MAGI2: variants seen among roughly 807,000 people sequenced by gnomAD.
MAGI2 encodes the protein membrane associated guanylate kinase, WW and PDZ domain containing 2.
A neutral mutation model predicts 133.3 loss-of-function variants in MAGI2; 35 were observed. That is an observed-to-expected ratio of 0.26 (90% confidence interval 0.20 to 0.35). The LOEUF is 0.35. MAGI2 is among the 10% of genes least tolerant of loss of function. MAGI2 has a pLI of 1.00. For synonymous variants in MAGI2, 729 were observed against 710.6 expected, an observed-to-expected ratio of 1.03 and a Z score of -0.41; for missense variants, 1,636 against 1,863.4, an observed-to-expected ratio of 0.88 and a Z score of 2.25.
intron 6 of MAGI2, among the ~76,000 whole-genome samples, chr7:78,371,641 AG>A (rs1793927853): frequency 6.6e-6 from 1 of 151,982 alleles, no homozygotes; most frequent in South Asian, 2.1e-4. Context: ...TTTCTTTGTC[AG>A]ATTTACAATG....
chr7:78,631,298 A>C (rs1010170335), intron 2 of MAGI2, among the ~76,000 whole-genome samples: 2 of 151,902 alleles, frequency 1.3e-5, no homozygotes, highest in Admixed American at 1.3e-4. Context: ...CCATCTCCAA[A>C]TATTTGGCAA....
intron 2 of MAGI2, among the ~76,000 whole-genome samples, chr7:78,950,708 T>C (rs1272873803): frequency 6.6e-6 from 1 of 152,152 alleles, no homozygotes; most frequent in African/African-American, 2.4e-5. Context: ...AAGGACTTGT[T>C]CATTTGTAGA....
At chr7:78,390,659 G>T (rs558946126) in intron 6 of MAGI2, among the ~76,000 whole-genome samples, 1 of 151,862 alleles carries the variant, frequency 6.6e-6, no homozygotes, top group Non-Finnish European at 1.5e-5. Context: ...TGGAGGGGAA[G>T]CTACTCTATA....
At chr7:78,488,354 A>T (rs1053364429) in intron 6 of MAGI2, among the ~76,000 whole-genome samples, 4 of 152,052 alleles carry the variant, frequency 2.6e-5, no homozygotes, top group Admixed American at 2.0e-4. Context: ...ATTGACTTTA[A>T]TAGCTTTTTA....
chr7:78,369,464 T>C (rs1193170158), intron 6 of MAGI2, among the ~76,000 whole-genome samples: 1 of 152,070 alleles, frequency 6.6e-6, no homozygotes, highest in Non-Finnish European at 1.5e-5. Flanking sequence ...TCATGCCAAA[T>C]AGTAGGATGG....
At chr7:79,019,211 T>G (rs1474570059) in intron 1 of MAGI2, among the ~76,000 whole-genome samples, 1 of 152,192 alleles carries the variant, frequency 6.6e-6, no homozygotes, top group Non-Finnish European at 1.5e-5. Flanking sequence ...ATTATATGAT[T>G]TGGCTCTGTG....
intron 9 of MAGI2, among the ~76,000 whole-genome samples, chr7:78,265,383 T>C (rs1431442246): frequency 1.3e-5 from 2 of 152,204 alleles, no homozygotes; most frequent in Non-Finnish European, 2.9e-5. Context: ...CAAAAAGCAC[T>C]GGCTTTCTAA....
intron 1 of MAGI2, among the ~76,000 whole-genome samples, chr7:79,133,621 AT>A (rs1257631462): frequency 1.3e-5 from 2 of 152,134 alleles, no homozygotes; most frequent in African/African-American, 2.4e-5. Context: ...TAGTAGTATT[AT>A]TTTTCTAACT....
intron 6 of MAGI2, among the ~76,000 whole-genome samples, chr7:78,399,997 T>C (rs1431120819): frequency 6.6e-6 from 1 of 152,092 alleles, no homozygotes; most frequent in Non-Finnish European, 1.5e-5. Context: ...ACATCTTTGG[T>C]TTGTCAGTTT....
At chr7:78,935,475 A>G (rs1040782472) in intron 2 of MAGI2, among the ~76,000 whole-genome samples, 37 of 152,140 alleles carry the variant, frequency 2.4e-4, no homozygotes, top group Non-Finnish European at 5.0e-4. Flanking sequence ...AGAAGTAAAA[A>G]GACAAATGGA....
chr7:78,470,340 C>T (rs531469401), intron 6 of MAGI2, among the ~76,000 whole-genome samples: 14 of 152,184 alleles, frequency 9.2e-5, no homozygotes, highest in African/African-American at 3.4e-4. Flanking sequence ...TTAACCAGCA[C>T]TGTTTAACTT....
intron 1 of MAGI2, among the ~76,000 whole-genome samples, chr7:79,378,407 A>T (rs1476151991): frequency 2.0e-5 from 3 of 151,466 alleles, no homozygotes; most frequent in Non-Finnish European, 4.4e-5. Flanking sequence ...TACTGGGAGG[A>T]CAGATGGCTT....
chr7:78,872,031 A>C (rs1622555), intron 2 of MAGI2, among the ~76,000 whole-genome samples: 70,641 of 151,020 alleles, frequency 0.47, 17,109 homozygotes, highest in Middle Eastern at 0.53. Flanking sequence ...TCCTTTGAAC[A>C]ACCTTTTTTT....
intron 6 of MAGI2, among the ~76,000 whole-genome samples, chr7:78,372,234 CA>C (rs79159153): frequency 0.054 from 8,197 of 151,864 alleles, 323 homozygotes; most frequent in South Asian, 0.095. Flanking sequence ...GACAAGTCAT[CA>C]AAAAAACTTC....
chr7:79,054,454 A>G (rs1048579955), intron 1 of MAGI2, among the ~76,000 whole-genome samples: 6 of 152,168 alleles, frequency 3.9e-5, no homozygotes. Context: ...AAATGACATC[A>G]TAATTCTTTC....
intron 3 of MAGI2, among the ~76,000 whole-genome samples, chr7:78,526,482 CTT>C (rs1796962487): frequency 6.6e-6 from 1 of 152,276 alleles, no homozygotes; most frequent in African/African-American, 2.4e-5. Context: ...ATTCCACTAA[CTT>C]ATTGAGTACA....
At chr7:78,951,495 G>A (rs575740845) in intron 2 of MAGI2, among the ~76,000 whole-genome samples, 8 of 151,994 alleles carry the variant, frequency 5.3e-5, no homozygotes, top group Middle Eastern at 3.2e-3. Flanking sequence ...AATGCCAGAC[G>A]CTTATAAAAC....
chr7:78,555,098 C>T (rs942869132), intron 3 of MAGI2, among the ~76,000 whole-genome samples: 11 of 151,312 alleles, frequency 7.3e-5, no homozygotes, highest in African/African-American at 2.7e-4. Flanking sequence ...ATGATCACTG[C>T]ACTCCAGTCT....
At chr7:79,267,803 C>T (rs768346028) in intron 1 of MAGI2, among the ~76,000 whole-genome samples, 1 of 152,104 alleles carries the variant, frequency 6.6e-6, no homozygotes, top group Non-Finnish European at 1.5e-5. Context: ...ATGGCTGAAG[C>T]TTAAATAACA....
Sources: allele counts gnomAD v4.1 joint callset (sites outside exome capture counted in the v4.1 genomes callset), GRCh38; gene constraint gnomAD v4.1.1; transcripts MANE v1.5; gene names NCBI Gene and HGNC (gene_info 2026-07-23, HGNC 2026-07-21).